Variants in COLQ observed in about 807,000 individuals in gnomAD.
COLQ encodes the protein acetylcholinesterase collagenic tail peptide.
In COLQ, 48 loss-of-function variants were observed where a neutral mutation model predicts 69.0. That is an observed-to-expected ratio of 0.70 (90% confidence interval 0.55 to 0.88). The LOEUF (loss-of-function observed/expected upper bound fraction) is 0.88. COLQ is among the 40% of genes least tolerant of loss of function. COLQ has a pLI of 0.00. For missense variants in COLQ, 618 were observed against 594.6 expected, an observed-to-expected ratio of 1.04 and a Z score of -0.41; for synonymous variants, 217 against 211.2, an observed-to-expected ratio of 1.03 and a Z score of -0.24.
chr3:15,496,822 T>G (rs1003593860), intron 1 of COLQ, among the ~76,000 whole-genome samples: 1 of 152,190 alleles, frequency 6.6e-6, no homozygotes, highest in Non-Finnish European at 1.5e-5. Flanking sequence ...AAAAGGAGAC[T>G]TTCTCTTGTT....
chr3:15,482,243 A>G (rs2062499828), intron 3 of COLQ, among the ~76,000 whole-genome samples: 2 of 151,988 alleles, frequency 1.3e-5, no homozygotes, highest in South Asian at 4.1e-4. Flanking sequence ...AGAACTTCCA[A>G]CACTGTGATA....
chr3:15,493,259 G>C (rs888952819), intron 1 of COLQ, among the ~76,000 whole-genome samples: 1 of 152,254 alleles, frequency 6.6e-6, no homozygotes, highest in Non-Finnish European at 1.5e-5. Context: ...AGGAATGGCA[G>C]GAGAAAGACC....
chr3:15,456,082 A>G, intron 14 of COLQ, 63 bp from the exon 15 acceptor site: 1 of 1,602,588 alleles, frequency 6.2e-7, no homozygotes, highest in Non-Finnish European at 8.5e-7. Context: ...GCAGGCAGGG[A>G]GGTCATTGGT....
At chr3:15,478,832 A>G (rs2062425778) in intron 5 of COLQ, 145 bp downstream of exon 5, 3 of 951,046 alleles carry the variant, frequency 3.2e-6, no homozygotes, top group Non-Finnish European at 5.1e-6. Context: ...TACTACTGTC[A>G]CCATCGAGAC....
intron 1 of COLQ, among the ~76,000 whole-genome samples, chr3:15,510,617 G>A (rs1021790904): frequency 1.7e-4 from 26 of 151,868 alleles, no homozygotes; most frequent in Admixed American, 1.6e-3. Flanking sequence ...GCGCTGAGGT[G>A]GGAGGATCCC....
At position 15,505,551 on chromosome 3, in the gene COLQ, C is replaced by G. The variant is rs530254023; in HGVS notation, c.107-15914G>C. ...GGCATGTGGTAAGTAGAGAGGAAGG[C>G]GGAGACAATGCTATTAGGAGCCAAG... On this transcript the variant is annotated intron_variant, in intron 1 of 16. Transcript: ENST00000383788. Among the ~76,000 whole-genome samples, 6 of 152,192 alleles carry G rather than the reference C, an allele frequency of 3.9e-5. No individual in the cohort carries two copies. The East Asian group carries it at 1.2e-3, about 29-fold the overall frequency.
chr3:15,454,649 C>CTGT (rs1233826732), intron 15 of COLQ, among the ~76,000 whole-genome samples: 1 of 113,136 alleles, frequency 8.8e-6, no homozygotes, highest in Non-Finnish European at 1.7e-5. Flanking sequence ...TTCCCCTGAA[C>CTGT]TGTTTTTTTT....
chr3:15,511,867 A>G lies in COLQ; in HGVS notation c.106+9653T>C, dbSNP rs899303363. 5.1e-4 allele frequency among the ~76,000 whole-genome samples: 78 copies of G among 152,076 alleles called. No homozygotes were observed. The Middle Eastern group carries it at 0.01, about 20-fold the overall frequency. On this transcript the variant is annotated intron_variant, in intron 1 of 16. Transcript: ENST00000383788. ...GGACACAAAGGGCAGTCCAGTTTCA[A>G]CTCCTCATGATCATAACCCACCCGA...
intron 3 of COLQ, among the ~76,000 whole-genome samples, chr3:15,487,608 T>G (rs4684248): frequency 0.13 from 19,309 of 152,284 alleles, 1,548 homozygotes; most frequent in Middle Eastern, 0.24. Flanking sequence ...CAGCTGTCCC[T>G]CACCGATGGA....
intron 5 of COLQ, 124 bp downstream of exon 5, chr3:15,478,853 T>C: frequency 1.7e-6 from 2 of 1,164,042 alleles, no homozygotes; most frequent in South Asian, 1.2e-5. Flanking sequence ...AGCAGCACCA[T>C]CACTGTCCAC....
At chr3:15,502,185 G>A (rs1463897350) in intron 1 of COLQ, among the ~76,000 whole-genome samples, 3 of 147,244 alleles carry the variant, frequency 2.0e-5, no homozygotes, top group African/African-American at 5.0e-5. Context: ...ACATGATCTC[G>A]GTTCACTGCA....
At chr3:15,509,204 G>T (rs2062951326) in intron 1 of COLQ, among the ~76,000 whole-genome samples, 1 of 152,138 alleles carries the variant, frequency 6.6e-6, no homozygotes, top group South Asian at 2.1e-4. Context: ...ATTTTCCTCT[G>T]ACTGCCCAGG....
In COLQ at chr3:15,458,314, T is replaced by C; in HGVS notation, c.826A>G (p.Met276Val). 1 of 1,614,058 alleles carries C rather than the reference T, an allele frequency of 6.2e-7. No individual in the cohort carries two copies. Among genetic ancestry groups the C allele is most frequent in the Non-Finnish European group, 8.5e-7 (1 of 1,179,984 alleles). The change falls in exon 13 of 17, where the codon ATG becomes GTG. Residue 276 changes from methionine (M) to valine (V), a missense_variant. Coordinates refer to ENST00000383788, the MANE Select transcript of COLQ (RefSeq NM_005677.4). ...PGPPPAGQLI[M>V]GPKGERGFPG... Reference sequence around the variant, plus strand: ...AATCCTCTTTCCCCTTTGGGTCCCATTATAAGTTGTCCTAGGAAGCAACAG... The same window carrying C: ...AATCCTCTTTCCCCTTTGGGTCCCACTATAAGTTGTCCTAGGAAGCAACAG...
chr3:15,505,583 TAAAG>T (rs2062899860), intron 1 of COLQ, among the ~76,000 whole-genome samples: 1 of 152,222 alleles, frequency 6.6e-6, no homozygotes, highest in South Asian at 2.1e-4. Context: ...CAAGGGAACA[TAAAG>T]AAACCTCTCC....
At chr3:15,516,293 C>T (rs1056296286) in intron 1 of COLQ, among the ~76,000 whole-genome samples, 14 of 152,110 alleles carry the variant, frequency 9.2e-5, no homozygotes, top group East Asian at 1.9e-4. Context: ...ATGGATAGTT[C>T]CCAAGTGGTG....
At chr3:15,457,637 G>C (rs1033616002) in intron 13 of COLQ, among the ~76,000 whole-genome samples, 2 of 96,892 alleles carry the variant, frequency 2.1e-5, no homozygotes, top group Non-Finnish European at 4.1e-5. Context: ...TTTTGAGACG[G>C]AGTCTCGCTC....
At chr3:15,506,199 T>A (rs1183168833) in intron 1 of COLQ, among the ~76,000 whole-genome samples, 1 of 152,202 alleles carries the variant, frequency 6.6e-6, no homozygotes, top group Non-Finnish European at 1.5e-5. Context: ...AGCACTATAA[T>A]CCTGTGATTC....
At chr3:15,457,824 G>A (rs1232707767) in intron 13 of COLQ, among the ~76,000 whole-genome samples, 1 of 152,012 alleles carries the variant, frequency 6.6e-6, no homozygotes, top group East Asian at 1.9e-4. Flanking sequence ...TCACTGTATC[G>A]GCCAGGCTGA....
At chr3:15,464,515 C>T (rs1315749522) in intron 12 of COLQ, among the ~76,000 whole-genome samples, 2 of 152,116 alleles carry the variant, frequency 1.3e-5, no homozygotes, top group Non-Finnish European at 2.9e-5. Flanking sequence ...CCTAATAATG[C>T]CTGAATTAAT....
Sources: gnomAD v4.1 joint callset for allele counts (sites outside exome capture counted in the v4.1 genomes callset) on GRCh38, gnomAD v4.1.1 for gene constraint, MANE v1.5 for transcripts, NCBI Gene and HGNC (gene_info 2026-07-23, HGNC 2026-07-21) for gene names.